Variants in XYLT1 observed in about 807,000 individuals in gnomAD.
The protein encoded by XYLT1 is xylosyltransferase 1.
Under a neutral mutation model 91.3 loss-of-function variants are expected in XYLT1, and 36 were observed. The ratio of observed to expected loss-of-function variants is 0.39; its 90% CI spans 0.30 to 0.52. XYLT1 has a LOEUF of 0.52. Among genes scored for constraint, XYLT1 ranks in the 20% least tolerant of loss-of-function variants. The pLI is 0.68. For missense variants in XYLT1, 1,242 were observed against 1,284.5 expected (o/e 0.97, Z 0.51); for synonymous variants, 588 against 532.0 (o/e 1.11, Z -1.45).
intron 2 of XYLT1, among the ~76,000 whole-genome samples, chr16:17,353,065 C>T (rs558669506): frequency 9.7e-4 from 147 of 152,296 alleles, no homozygotes; most frequent in Non-Finnish European, 1.8e-3. Context: ...AATGTCATTC[C>T]CTTCCCTCTA....
At chr16:17,230,583 C>T (rs1262830014) in intron 3 of XYLT1, among the ~76,000 whole-genome samples, 2 of 152,264 alleles carry the variant, frequency 1.3e-5, no homozygotes, top group East Asian at 1.9e-4. Flanking sequence ...ATCCATTCTC[C>T]GTTTTTCTTC....
intron 2 of XYLT1, among the ~76,000 whole-genome samples, chr16:17,328,512 G>A (rs2034846614): frequency 8.2e-6 from 1 of 122,068 alleles, no homozygotes; most frequent in South Asian, 2.7e-4. Context: ...TTGTGCCACT[G>A]CACTCCAGCT....
chr16:17,290,916 C>G (rs138207023), intron 2 of XYLT1, among the ~76,000 whole-genome samples: 1 of 152,276 alleles, frequency 6.6e-6, no homozygotes, highest in Non-Finnish European at 1.5e-5. Context: ...CCTCCTCAGG[C>G]CACCTGACAA....
chr16:17,120,187 T>G (rs901208478), intron 10 of XYLT1, among the ~76,000 whole-genome samples: 9 of 152,182 alleles, frequency 5.9e-5, no homozygotes, highest in African/African-American at 2.2e-4. Flanking sequence ...AGGATACTAT[T>G]TATTGAAGGA....
chr16:17,400,639 GGAAGGA>G (rs2035954146), intron 1 of XYLT1, among the ~76,000 whole-genome samples: 2 of 79,466 alleles, frequency 2.5e-5, no homozygotes, highest in Non-Finnish European at 5.3e-5. Context: ...GAGGAAGGAA[GGAAGGA>G]AGGAAGGAAG....
intron 1 of XYLT1, among the ~76,000 whole-genome samples, chr16:17,451,399 G>A (rs569013424): frequency 6.6e-6 from 1 of 152,210 alleles, no homozygotes; most frequent in African/African-American, 2.4e-5. Flanking sequence ...TGTTGGAAAA[G>A]CCTTCCCAGA....
At chr16:17,330,198 CTG>C (rs888110182) in intron 2 of XYLT1, among the ~76,000 whole-genome samples, 22 of 152,026 alleles carry the variant, frequency 1.4e-4, no homozygotes, top group African/African-American at 5.3e-4. Context: ...CATTACAAAA[CTG>C]TGTGTTCATT....
intron 5 of XYLT1, among the ~76,000 whole-genome samples, chr16:17,177,505 T>C (rs771646509): frequency 6.6e-6 from 1 of 152,212 alleles, no homozygotes; most frequent in African/African-American, 2.4e-5. Flanking sequence ...GTTCTATTGG[T>C]GTCTGTAACC....
intron 1 of XYLT1, among the ~76,000 whole-genome samples, chr16:17,379,392 C>T (rs573428777): frequency 3.6e-4 from 55 of 152,298 alleles, no homozygotes; most frequent in African/African-American, 1.3e-3. Context: ...GGGAGGCCGA[C>T]TAAGAGATGG....
rs529040588 is a variant in XYLT1 at position 17,457,936 on chromosome 16, A to G, written c.363+12498T>C. ...TTTCAAAAGGAAAAAAGAAGAAGAAAAAAAAGAATAACTTTTTCACATCCC... is the reference window on the plus strand; with the variant it reads ...TTTCAAAAGGAAAAAAGAAGAAGAAGAAAAAGAATAACTTTTTCACATCCC... On this transcript the variant is annotated intron_variant, in intron 1 of 11. Transcript: ENST00000261381. 2.7e-4 allele frequency among the ~76,000 whole-genome samples: 41 copies of G among 152,374 alleles called. 1 individual carries two copies. In the East Asian group the frequency reaches 7.5e-3, roughly 28 times the overall value.
At chr16:17,198,185 C>G in intron 5 of XYLT1, 27 bp downstream of exon 5, 1 of 1,613,360 alleles carries the variant, frequency 6.2e-7, no homozygotes, top group South Asian at 1.1e-5. Context: ...TCAGACAAGA[C>G]TGGCTTGGGG....
At chr16:17,299,884 A>G (rs2034368732) in intron 2 of XYLT1, among the ~76,000 whole-genome samples, 1 of 152,162 alleles carries the variant, frequency 6.6e-6, no homozygotes. Flanking sequence ...ATAAGCTATG[A>G]TGCTGCTTTA....
At chr16:17,291,105 T>G (rs1020106590) in intron 2 of XYLT1, among the ~76,000 whole-genome samples, 17 of 152,130 alleles carry the variant, frequency 1.1e-4, no homozygotes, top group Admixed American at 3.9e-4. Context: ...TGGTTAACTT[T>G]TTTTTGGCAG....
At chr16:17,422,573 G>A (rs1011008699) in intron 1 of XYLT1, among the ~76,000 whole-genome samples, 2 of 151,906 alleles carry the variant, frequency 1.3e-5, no homozygotes, top group Non-Finnish European at 2.9e-5. Context: ...GCAGTAGTGC[G>A]ATCTTGGCTC....
intron 1 of XYLT1, chr16:17,445,762 CT>C (rs1244906350): frequency 6.6e-6 from 1 of 152,252 alleles, no homozygotes. Flanking sequence ...ATTCCTCTCC[CT>C]TTGGAGCCCA....
At chr16:17,130,787 T>C (rs2030440388) in intron 9 of XYLT1, among the ~76,000 whole-genome samples, 1 of 152,190 alleles carries the variant, frequency 6.6e-6, no homozygotes, top group Non-Finnish European at 1.5e-5. Context: ...GCCACGTCCA[T>C]CGTCCCTCAC....
rs1299454249 is a variant in XYLT1 at position 17,461,529 on chromosome 16, G to A, written c.363+8905C>T. On this transcript the variant is annotated intron_variant, in intron 1 of 11. Coordinates refer to ENST00000261381, the MANE Select transcript of XYLT1 (RefSeq NM_022166.4). ...GCAGGAGTGGAGGATGGGTAGATAG[G>A]TGGATGAATGGATCGATGGGTAAAT... Among the ~76,000 whole-genome samples the A allele has an allele frequency of 4.6e-5, 7 of 152,320 alleles. No individual in the cohort carries two copies. The South Asian group carries it at 6.2e-4, about 14-fold the overall frequency.
intron 5 of XYLT1, among the ~76,000 whole-genome samples, chr16:17,197,574 G>T (rs894069746): frequency 6.6e-6 from 1 of 152,112 alleles, no homozygotes; most frequent in Non-Finnish European, 1.5e-5. Context: ...GGGAAAGGCA[G>T]ACCCACTCTC....
intron 3 of XYLT1, chr16:17,249,650 T>TTTTG (rs10607398): frequency 0.051 from 7,747 of 151,848 alleles, 254 homozygotes; most frequent in South Asian, 0.061. Flanking sequence ...TATGTAGTTT[T>TTTTG]TTTGTTTGTT....
Sources: gnomAD v4.1 joint callset for allele counts (sites outside exome capture counted in the v4.1 genomes callset) on GRCh38, gnomAD v4.1.1 for gene constraint, MANE v1.5 for transcripts, NCBI Gene and HGNC (gene_info 2026-07-23, HGNC 2026-07-21) for gene names.